The following ECPAS variants were observed in gnomAD, a reference collection of about 807,000 sequenced individuals.
ECPAS encodes proteasome adapter and scaffold protein ECM29.
Under a neutral mutation model 255.1 loss-of-function variants are expected in ECPAS, and 70 were observed. The ratio of observed to expected loss-of-function variants is 0.27; its 90% CI spans 0.23 to 0.33. The LOEUF (loss-of-function observed/expected upper bound fraction) is 0.33, where lower values mean the gene tolerates loss of function less well. Among genes scored for constraint, ECPAS ranks in the 10% least tolerant of loss-of-function variants. The probability of loss-of-function intolerance (pLI) is 1.00; values close to 1 mark genes in which losing one functional copy is unlikely to be tolerated. For missense variants in ECPAS, 1,817 were observed against 2,206.4 expected (o/e 0.82, Z 3.54); for synonymous variants, 784 against 775.0 (o/e 1.01, Z -0.19).
At chr9:111,366,146 T>G in intron 48 of ECPAS, 93 bp downstream of exon 48, 1 of 797,344 alleles carries the variant, frequency 1.3e-6, no homozygotes, top group Non-Finnish European at 2.1e-6. Context: ...TTTCAGAAAT[T>G]TAGTTCCTAA....
At chr9:111,365,939 T>C in intron 48 of ECPAS, 2 of 335,286 alleles carry the variant, frequency 6.0e-6, no homozygotes, top group Non-Finnish European at 1.1e-5. Flanking sequence ...AGTGTATACA[T>C]ATTGCAGAGT....
chr9:111,459,330 ATCC>A (rs755924767), intron 2 of ECPAS, among the ~76,000 whole-genome samples: 1 of 151,982 alleles, frequency 6.6e-6, no homozygotes, highest in Non-Finnish European at 1.5e-5. Flanking sequence ...GCCTCAAGCG[ATCC>A]TCCTGCCTCA....
intron 2 of ECPAS, among the ~76,000 whole-genome samples, chr9:111,452,083 T>G (rs1360213179): frequency 6.6e-6 from 1 of 152,136 alleles, no homozygotes; most frequent in Non-Finnish European, 1.5e-5. Context: ...ATGGGGATAC[T>G]CTCAGCAAAA....
chr9:111,441,978 C>A (rs542223262), intron 5 of ECPAS, among the ~76,000 whole-genome samples: 20 of 152,276 alleles, frequency 1.3e-4, no homozygotes, highest in African/African-American at 3.8e-4. Context: ...TTATATCTTC[C>A]AAGATAGAAT....
chr9:111,386,520 C>G (rs1171503537), intron 31 of ECPAS, 64 bp from the exon 32 acceptor site: 1 of 919,024 alleles, frequency 1.1e-6, no homozygotes, highest in Admixed American at 2.2e-5. Flanking sequence ...TTACTCAACT[C>G]TTAACCACAC....
At chr9:111,363,922 T>A (rs143635841) in intron 48 of ECPAS, among the ~76,000 whole-genome samples, 2 of 152,178 alleles carry the variant, frequency 1.3e-5, no homozygotes, top group African/African-American at 4.8e-5. Flanking sequence ...AATATTTAAA[T>A]GATCCATTTT....
chr9:111,439,656 T>C (rs189708790), intron 6 of ECPAS, among the ~76,000 whole-genome samples: 214 of 152,280 alleles, frequency 1.4e-3, no homozygotes, highest in Non-Finnish European at 2.2e-3. Flanking sequence ...AGGCGTTCTC[T>C]TAAAAATAAA....
intron 42 of ECPAS, 126 bp from the exon 43 acceptor site, chr9:111,371,955 T>C (rs2098127846): frequency 2.9e-6 from 2 of 691,338 alleles, no homozygotes; most frequent in Non-Finnish European, 2.4e-6. Flanking sequence ...AACACACCAC[T>C]CTCTCAAAGG....
intron 1 of ECPAS, chr9:111,483,668 C>G (rs1421796254): frequency 1.1e-5 from 2 of 178,294 alleles, no homozygotes; most frequent in African/African-American, 4.8e-5. Context: ...GCGCTGTGCC[C>G]CGAGGCCCGC....
At chr9:111,406,536 A>G (rs2098184228) in intron 24 of ECPAS, among the ~76,000 whole-genome samples, 2 of 149,960 alleles carry the variant, frequency 1.3e-5, no homozygotes, top group Non-Finnish European at 2.9e-5. Flanking sequence ...AAGAAATGAT[A>G]AATGCTTAAA....
chr9:111,453,459 G>A (rs2098263026), intron 2 of ECPAS, among the ~76,000 whole-genome samples: 1 of 151,932 alleles, frequency 6.6e-6, no homozygotes, highest in Non-Finnish European at 1.5e-5. Context: ...TTTTCTTATA[G>A]GAAGAATTCA....
rs756085537 is a variant in ECPAS at position 111,411,162 on chromosome 9, T to C, written c.2215-20A>G. 3.1e-6 allele frequency: 5 copies of C among 1,612,190 alleles called. No individual in the cohort carries two copies. Among genetic ancestry groups the C allele is most frequent in the Admixed American group, 1.7e-5 (1 of 59,860 alleles). On this transcript the variant is annotated intron_variant, in intron 21 of 49. Transcript: ENST00000684092. Reference sequence around the variant, plus strand: ...CGGGCTCTGAATTTAGCAAAAACAATAGCATATCTCTGGCTCTCTCTCATA... The same window carrying C: ...CGGGCTCTGAATTTAGCAAAAACAACAGCATATCTCTGGCTCTCTCTCATA...
At chr9:111,478,056 A>G (rs1022498096) in intron 1 of ECPAS, among the ~76,000 whole-genome samples, 1 of 151,772 alleles carries the variant, frequency 6.6e-6, no homozygotes, top group African/African-American at 2.4e-5. Context: ...GCATGCCAAC[A>G]CACCCAGCTA....
At position 111,448,615 on chromosome 9, in the gene ECPAS, T is replaced by C. The variant is rs2098256318; in HGVS notation, c.153+2810A>G. ...AGGTTCAAGACATGAATGCACAATGTTACTAATGAATGGCCTTAGCGCATG... is the reference window on the plus strand; with the variant it reads ...AGGTTCAAGACATGAATGCACAATGCTACTAATGAATGGCCTTAGCGCATG... On this transcript the variant is annotated intron_variant, in intron 3 of 49. Transcript: ENST00000684092. Among the ~76,000 whole-genome samples, 3 of 152,320 alleles carry C rather than the reference T, an allele frequency of 2.0e-5. No homozygotes were observed. The South Asian group carries it at 6.2e-4, about 32-fold the overall frequency.
chr9:111,414,011 T>C (rs2098199127), intron 19 of ECPAS, 25 bp from the exon 20 acceptor site: 2 of 1,492,492 alleles, frequency 1.3e-6, no homozygotes, highest in South Asian at 1.2e-5. Context: ...AGAATCACCT[T>C]AAATTTCAAG....
At position 111,428,177 on chromosome 9, in the gene ECPAS, T is replaced by C. The variant is rs1439418789; in HGVS notation, c.931-16A>G. 3.1e-6 allele frequency: 5 copies of C among 1,604,422 alleles called. No individual in the cohort carries two copies. The highest frequency in any genetic ancestry group is 3.4e-5 in the Admixed American group (2 of 58,100). On this transcript the variant is annotated splice_polypyrimidine_tract_variant and intron_variant, in intron 9 of 49. Transcript: ENST00000684092. ...GAACTGCACCCTGTTGAAAATATGC[T>C]TGATTATAACTCAGCAATTCAAAAT...
At chr9:111,482,537 T>G (rs2132146630) in intron 1 of ECPAS, among the ~76,000 whole-genome samples, 1 of 152,294 alleles carries the variant, frequency 6.6e-6, no homozygotes, top group Admixed American at 6.5e-5. Context: ...TTTAACAACG[T>G]AAGCTTCATA....
chr9:111,451,380 C>T (rs755305737), intron 3 of ECPAS, 45 bp downstream of exon 3: 11 of 1,527,468 alleles, frequency 7.2e-6, no homozygotes, highest in Admixed American at 2.1e-5. Flanking sequence ...AATGTATATT[C>T]ATTTATTCAT....
chr9:111,368,967 A>G, intron 46 of ECPAS, 68 bp downstream of exon 46: 1 of 1,358,846 alleles, frequency 7.4e-7, no homozygotes, highest in Non-Finnish European at 9.9e-7. Flanking sequence ...TTTGTCATAG[A>G]GAAAATTCTT....
Sources: gnomAD v4.1 joint callset for allele counts (sites outside exome capture counted in the v4.1 genomes callset) on GRCh38, gnomAD v4.1.1 for gene constraint, MANE v1.5 for transcripts, NCBI Gene and HGNC (gene_info 2026-07-23, HGNC 2026-07-21) for gene names.